Variants in COL13A1 observed in about 807,000 individuals in gnomAD.
The protein encoded by COL13A1 is collagen type XIII alpha 1 chain.
A neutral mutation model predicts 130.9 loss-of-function variants in COL13A1; 89 were observed. The ratio of observed to expected loss-of-function variants is 0.68; its 90% CI spans 0.57 to 0.81. The LOEUF (loss-of-function observed/expected upper bound fraction) is 0.81. Ranked by LOEUF, COL13A1 falls within the 30% of genes least tolerant of loss-of-function variation. The pLI is 0.00. For synonymous variants in COL13A1, 402 were observed against 341.6 expected (o/e 1.18, Z -1.95); for missense variants, 879 against 934.6 (o/e 0.94, Z 0.78).
At chr10:69,819,530 T>G (rs144796015) in intron 1 of COL13A1, among the ~76,000 whole-genome samples, 1 of 152,104 alleles carries the variant, frequency 6.6e-6, no homozygotes, top group Non-Finnish European at 1.5e-5. Context: ...GTCAGTCCAA[T>G]TTGAGGCAGA....
chr10:69,923,634 A>G (rs975470506), intron 23 of COL13A1, among the ~76,000 whole-genome samples, 168 bp from the exon 24 acceptor site: 9 of 152,178 alleles, frequency 5.9e-5, no homozygotes, highest in African/African-American at 2.2e-4. Context: ...GCTGGGCCCA[A>G]GCATGGGTAG....
chr10:69,879,033 C>T (rs1418136401), intron 6 of COL13A1, among the ~76,000 whole-genome samples: 3 of 152,196 alleles, frequency 2.0e-5, no homozygotes, highest in Non-Finnish European at 1.5e-5. Flanking sequence ...GTGTCAGGTG[C>T]GGGTTTAAGT....
rs187734642 is a variant in COL13A1, at chr10:69,869,036, G to C, written c.372+1231G>C. 1.4e-3 allele frequency among the ~76,000 whole-genome samples: 207 copies of C among 151,488 alleles called. 1 individual carries two copies. The highest frequency in any genetic ancestry group is 4.7e-3 in the African/African-American group (194 of 40,950). On this transcript the variant is annotated intron_variant, in intron 3 of 40. Transcript: ENST00000645393. ...TCCTGCACACACCTCACCCCCAGGG[G>C]CAGGATGCTGCAGCCTCCTGCACAC...
At chr10:69,936,857 A>C in intron 33 of COL13A1, 75 bp downstream of exon 33, 2 of 1,587,266 alleles carry the variant, frequency 1.3e-6, no homozygotes, top group South Asian at 1.1e-5. Flanking sequence ...AGACCAGCTG[A>C]CCCTTTTTCC....
intron 2 of COL13A1, among the ~76,000 whole-genome samples, chr10:69,834,302 A>G (rs1228670): frequency 0.097 from 14,777 of 152,216 alleles, 866 homozygotes; most frequent in East Asian, 0.16. Flanking sequence ...AGTCCAGTCC[A>G]GATCTATGGC....
At chr10:69,915,587 G>C (rs905691043) in intron 17 of COL13A1, among the ~76,000 whole-genome samples, 1 of 152,180 alleles carries the variant, frequency 6.6e-6, no homozygotes, top group Admixed American at 6.5e-5. Flanking sequence ...AGTTATAGGG[G>C]ATAGCAAAAA....
chr10:69,949,955 T>TG (rs1491212929), intron 38 of COL13A1, among the ~76,000 whole-genome samples: 4 of 150,568 alleles, frequency 2.7e-5, no homozygotes, highest in Non-Finnish European at 4.4e-5. Context: ...TGTGCGTGTG[T>TG]TTGTGTGTGC....
At chr10:69,866,487 T>C (rs1419069210) in intron 2 of COL13A1, among the ~76,000 whole-genome samples, 2 of 152,186 alleles carry the variant, frequency 1.3e-5, no homozygotes, top group African/African-American at 4.8e-5. Flanking sequence ...AGCTGGCCCC[T>C]CTGGCAGGCT....
intron 2 of COL13A1, among the ~76,000 whole-genome samples, chr10:69,859,727 G>A (rs530510399): frequency 2.0e-5 from 3 of 152,364 alleles, no homozygotes; most frequent in South Asian, 4.1e-4. Context: ...CAGTCCAGTC[G>A]CAGGTCACAA....
At chr10:69,905,695 G>A in intron 16 of COL13A1, 92 bp from the exon 17 acceptor site, 2 of 1,430,822 alleles carry the variant, frequency 1.4e-6, no homozygotes, top group South Asian at 1.2e-5. Context: ...GAGTCATCGA[G>A]AGGAAGAGGG....
At chr10:69,918,403 G>A (rs1378345438) in intron 19 of COL13A1, 86 bp downstream of exon 19, 22 of 1,367,928 alleles carry the variant, frequency 1.6e-5, no homozygotes, top group Non-Finnish European at 2.2e-5. Context: ...ACTCAGTGGG[G>A]TGGCTGCCAG....
In COL13A1 at chr10:69,812,358, C is replaced by T. The variant is rs559477119; in HGVS notation, c.294+9641C>T. ...TGTGACCTTGGGCAAGTTATTCAAG[C>T]TCTCTGTGCCTTAGGTTATACCTCT... On this transcript the variant is annotated intron_variant, in intron 1 of 40. Transcript: ENST00000645393. Among the ~76,000 whole-genome samples, 11 of 152,288 alleles carry T rather than the reference C, an allele frequency of 7.2e-5. No individual in the cohort carries two copies. The East Asian group carries it at 1.9e-3, about 27-fold the overall frequency.
chr10:69,813,890 G>A (rs1453480218), intron 1 of COL13A1, among the ~76,000 whole-genome samples: 8 of 152,020 alleles, frequency 5.3e-5, no homozygotes, highest in South Asian at 2.1e-4. Context: ...ACCTCCTCAC[G>A]GAAATGCCCT....
intron 2 of COL13A1, among the ~76,000 whole-genome samples, chr10:69,850,928 T>G (rs1160455673): frequency 6.6e-6 from 1 of 152,188 alleles, no homozygotes; most frequent in Non-Finnish European, 1.5e-5. Context: ...AGGACTGACA[T>G]CTGAGAGCTA....
rs147906731 is a variant in COL13A1 at position 69,900,681 on chromosome 10, T to C, written c.750+1919T>C. 4.5e-3 allele frequency among the ~76,000 whole-genome samples: 687 copies of C among 152,368 alleles called. 7 individuals are homozygous for C. Among genetic ancestry groups the C allele is most frequent in the African/African-American group, 0.016 (656 of 41,584 alleles). On this transcript the variant is annotated intron_variant, in intron 14 of 40. Coordinates refer to ENST00000645393, the MANE Select transcript of COL13A1 (RefSeq NM_001368882.1). ...AGATTCACTGAAAAAGGAAGCTTTA[T>C]ATGAAATATGATGTGCTTAGCAGAT...
intron 2 of COL13A1, among the ~76,000 whole-genome samples, chr10:69,865,317 T>G (rs1159349732): frequency 6.6e-6 from 1 of 152,230 alleles, no homozygotes; most frequent in Non-Finnish European, 1.5e-5. Context: ...ATCAAGGCAC[T>G]GCTAGATTTT....
At chr10:69,880,352 C>T (rs1046726429) in intron 6 of COL13A1, 151 bp from the exon 7 acceptor site, 8 of 700,012 alleles carry the variant, frequency 1.1e-5, no homozygotes, top group African/African-American at 5.3e-5. Context: ...TGGCCCTCCA[C>T]GTCCCCTGGC....
intron 34 of COL13A1, among the ~76,000 whole-genome samples, chr10:69,939,414 T>A (rs2067335654): frequency 1.3e-5 from 2 of 152,374 alleles, no homozygotes; most frequent in South Asian, 4.1e-4. Context: ...AAAAAATATG[T>A]CAGTGGCCCA....
intron 1 of COL13A1, among the ~76,000 whole-genome samples, chr10:69,804,027 G>T (rs1840788999): frequency 6.6e-6 from 1 of 152,112 alleles, no homozygotes; most frequent in Non-Finnish European, 1.5e-5. Context: ...AAGCGTACTG[G>T]TGCTAGTGGT....
Sources: allele counts gnomAD v4.1 joint callset (sites outside exome capture counted in the v4.1 genomes callset), GRCh38; gene constraint gnomAD v4.1.1; transcripts MANE v1.5; gene names NCBI Gene and HGNC (gene_info 2026-07-23, HGNC 2026-07-21).